TNRC6C: variants seen among roughly 807,000 people sequenced by gnomAD.
TNRC6C encodes the protein trinucleotide repeat-containing gene 6C protein.
Under a neutral mutation model 153.7 loss-of-function variants are expected in TNRC6C, and 20 were observed. The observed-to-expected ratio is 0.13, with a 90% CI of 0.09 to 0.19. The LOEUF is 0.19. Among genes scored for constraint, TNRC6C ranks in the 10% least tolerant of loss-of-function variants. TNRC6C has a pLI of 1.00. For synonymous variants in TNRC6C, 811 were observed against 841.4 expected, an observed-to-expected ratio of 0.96 and a Z score of 0.63; for missense variants, 1,987 against 2,172.0, an observed-to-expected ratio of 0.91 and a Z score of 1.69.
exon 9 of TNRC6C, chr17:78,077,280 C>T: frequency 1.3e-6 from 2 of 1,592,066 alleles, no homozygotes; most frequent in African/African-American, 1.3e-5. Context: ...CCAGTCAGGC[C>T]CTGGGTGGGA....
At chr17:78,101,299 G>T (rs1243520041) in intron 17 of TNRC6C, among the ~76,000 whole-genome samples, 1 of 152,126 alleles carries the variant, frequency 6.6e-6, no homozygotes, top group Non-Finnish European at 1.5e-5. Context: ...TTCCCAACAA[G>T]TTCCTCATTT....
chr17:78,028,258 G>C (rs1286330190), intron 1 of TNRC6C, among the ~76,000 whole-genome samples: 1 of 152,106 alleles, frequency 6.6e-6, no homozygotes, highest in African/African-American at 2.4e-5. Flanking sequence ...TTCATTTTCT[G>C]GGGATGGGGA....
intron 14 of TNRC6C, 115 bp from the exon 17 acceptor site, chr17:78,092,818 T>C (rs2073416978): frequency 1.3e-6 from 1 of 743,836 alleles, no homozygotes; most frequent in East Asian, 2.7e-5. Flanking sequence ...TGTAACTGAA[T>C]AGGGCAAGGC....
chr17:78,079,104 C>T lies in TNRC6C; in HGVS notation c.3211-291C>T, dbSNP rs1250002014. ...AAACTCCATCTAAAAAAAAAAAAAG[C>T]CAGGCATAGTGGCGGGGGTCTGTAA... On this transcript the variant is annotated intron_variant, in intron 9 of 19. Coordinates refer to ENST00000301624, the Ensembl canonical transcript of TNRC6C. The surrounding 1 kb of genome is among the most constrained non-coding windows in gnomAD (Gnocchi z 4.3). Among the ~76,000 whole-genome samples the T allele has an allele frequency of 6.6e-6, 1 of 150,660 alleles. No homozygotes were observed. Among genetic ancestry groups the T allele is most frequent in the Admixed American group, 6.6e-5 (1 of 15,122 alleles).
chr17:78,025,351 C>T (rs1198417789), intron 1 of TNRC6C, among the ~76,000 whole-genome samples: 1 of 152,186 alleles, frequency 6.6e-6, no homozygotes, highest in Non-Finnish European at 1.5e-5. Flanking sequence ...TTTCTACATA[C>T]TGTACTTTCC....
At chr17:78,099,500 A>C (rs542544918) in intron 17 of TNRC6C, among the ~76,000 whole-genome samples, 2 of 152,134 alleles carry the variant, frequency 1.3e-5, no homozygotes, top group African/African-American at 2.4e-5. Context: ...AGAGAGAGAG[A>C]GCTTGTGCAG....
At position 78,104,768 on chromosome 17, in the gene TNRC6C, G is replaced by A. The variant is rs776350565; in HGVS notation, c.4996G>A (p.Asp1666Asn). The change falls in exon 20 of 20, where the codon GAC (aspartate) becomes AAC (asparagine). Residue 1666 changes from aspartate to asparagine, a missense_variant. Transcript: ENST00000301624. The surrounding 1 kb of genome is among the most constrained non-coding windows in gnomAD (Gnocchi z 6.2). The stretch of plus-strand genomic sequence containing the variant: ...CCTGTGGGGCCCGCCCAGCGCCGAC[G>A]ACAGCAGGGTGATAGGCAGCCCCAC... The A allele has an allele frequency of 3.2e-5, 47 of 1,479,106 alleles. No individual in the cohort carries two copies. The Middle Eastern group carries it at 1.2e-3, about 37-fold the overall frequency. The allele number at this position is 1,479,106 out of a possible 1,614,324, so 91.6% of individuals were successfully genotyped here.
chr17:78,056,528 A>G (rs1397274151), intron 3 of TNRC6C, among the ~76,000 whole-genome samples: 1 of 151,366 alleles, frequency 6.6e-6, no homozygotes, highest in Admixed American at 6.6e-5. Context: ...CAGTGGCACA[A>G]TCTCAGCTCA....
chr17:77,962,810 A>G (rs188997469), intron 1 of TNRC6C, among the ~76,000 whole-genome samples: 7 of 152,350 alleles, frequency 4.6e-5, no homozygotes. Context: ...AAATATTTTG[A>G]AGTGTTGGTG....
intron 17 of TNRC6C, among the ~76,000 whole-genome samples, chr17:78,102,069 G>A (rs2073606374): frequency 6.6e-6 from 1 of 152,236 alleles, no homozygotes; most frequent in African/African-American, 2.4e-5. Context: ...TTTAGCGGCA[G>A]CCTTCAGGGA....
intron 3 of TNRC6C, among the ~76,000 whole-genome samples, chr17:78,052,500 A>T (rs2072557526): frequency 6.6e-6 from 1 of 152,182 alleles, no homozygotes. Context: ...GAATTAAAGT[A>T]TATACGTAGT....
Position 78,049,965 on chromosome 17 carries a change from A to G in TNRC6C, c.903A>G (p.Gly301=), listed in dbSNP as rs1412325362. ...GTGGAGGAAATGCTTGGGATTCAGG[A>G]CCTCCTGCTGGTCCTGGAATACTCG... The change falls in exon 3 of 20, where the codon GGA becomes GGG. Residue 301 remains glycine (G), a synonymous_variant. Coordinates refer to ENST00000301624, the Ensembl canonical transcript of TNRC6C. This position sits in a 1 kb window ranked among gnomAD's most constrained non-coding sequence, Gnocchi z 4.1. 1.9e-6 allele frequency: 3 copies of G among 1,613,868 alleles called. No homozygotes were observed. In the East Asian group the frequency reaches 6.7e-5, roughly 36 times the overall value.
At chr17:77,997,814 C>A (rs1013985163) in intron 1 of TNRC6C, among the ~76,000 whole-genome samples, 1 of 152,064 alleles carries the variant, frequency 6.6e-6, no homozygotes, top group Non-Finnish European at 1.5e-5. Context: ...GCCACCGCGC[C>A]TGGCTAATTT....
exon 3 of TNRC6C, chr17:78,050,406 T>C (rs768528931): frequency 7.4e-6 from 12 of 1,613,984 alleles, no homozygotes; most frequent in South Asian, 5.5e-5. Context: ...CTAATACTGG[T>C]TGGGGACAGA....
At position 78,071,177 on chromosome 17, in the gene TNRC6C, C is replaced by T. The variant is rs1424119449; in HGVS notation, c.2859+12C>T. 6.3e-6 allele frequency: 10 copies of T among 1,590,940 alleles called. No individual in the cohort carries two copies. The East Asian group carries it at 1.8e-4, about 29-fold the overall frequency. On this transcript the variant is annotated intron_variant, in intron 6 of 19. Transcript: ENST00000301624. ...ACATGGGCTTCCCGGTAACTGGCGT[C>T]GTAGTTTACTGCTACCCACCATGCT...
rs147781054 is a variant in TNRC6C, at chr17:77,980,304, C to T, written c.-38+21036C>T. 2.6e-5 allele frequency among the ~76,000 whole-genome samples: 4 copies of T among 152,278 alleles called. No homozygotes were observed. In the East Asian group the frequency reaches 7.7e-4, roughly 29 times the overall value. ...TTTTTAAAGTAAAAATAATAAATGG[C>T]AACAGCAACACAGAAAGCTGGAAGA... On this transcript the variant is annotated intron_variant, in intron 1 of 22. Coordinates refer to the TNRC6C transcript ENST00000636222.
chr17:77,971,878 AAAAAG>A (rs964242007), intron 1 of TNRC6C, among the ~76,000 whole-genome samples: 3 of 152,200 alleles, frequency 2.0e-5, no homozygotes, highest in African/African-American at 7.2e-5. Context: ...AAAAAAAAAA[AAAAAG>A]AACATGTCAA....
At chr17:78,093,861 A>G in intron 16 of TNRC6C, 98 bp downstream of exon 18, 1 of 1,486,934 alleles carries the variant, frequency 6.7e-7, no homozygotes, top group Middle Eastern at 2.2e-4. Context: ...CAGGGATGAT[A>G]CAAGGCACAG....
intron 2 of TNRC6C, among the ~76,000 whole-genome samples, chr17:78,039,813 A>T (rs1378137067): frequency 6.6e-6 from 1 of 152,236 alleles, no homozygotes; most frequent in African/African-American, 2.4e-5. Context: ...GCCTGTGGGC[A>T]TTTCAGCTGT....
Sources: gnomAD v4.1 joint callset for allele counts (sites outside exome capture counted in the v4.1 genomes callset) on GRCh38, gnomAD v4.1.1 for gene constraint, Gnocchi (gnomAD v3.1) non-coding constraint, MANE v1.5 for transcripts, NCBI Gene and HGNC (gene_info 2026-07-23, HGNC 2026-07-21) for gene names.